PTCH1: variants seen among roughly 807,000 people sequenced by gnomAD.
PTCH1 encodes the protein patched 1, also known as protein patched homolog 1.
A neutral mutation model predicts 144.6 loss-of-function variants in PTCH1; 14 were observed. That is an observed-to-expected ratio of 0.10 (90% CI 0.06 to 0.15). The LOEUF (loss-of-function observed/expected upper bound fraction) is 0.15, where lower values mean the gene tolerates loss of function less well. Among genes scored for constraint, PTCH1 ranks in the 10% least tolerant of loss-of-function variants. PTCH1 has a pLI of 1.00. For synonymous variants in PTCH1, 833 were observed against 793.6 expected, an observed-to-expected ratio of 1.05 and a Z score of -0.83; for missense variants, 1,623 against 1,948.3, an observed-to-expected ratio of 0.83 and a Z score of 3.14.
chr9:95,496,539 AAAAAAAAAAAG>A (rs894864573), intron 2 of PTCH1, among the ~76,000 whole-genome samples: 1 of 144,782 alleles, frequency 6.9e-6, no homozygotes, highest in Non-Finnish European at 1.6e-5. Flanking sequence ...TAGCCTATTA[AAAAAAAAAAAG>A]AAAAAAAAAA....
At chr9:95,498,189 C>T (rs1051532530) in intron 2 of PTCH1, among the ~76,000 whole-genome samples, 1 of 152,190 alleles carries the variant, frequency 6.6e-6, no homozygotes, top group Non-Finnish European at 1.5e-5. Context: ...GGTAAGTCTA[C>T]TGCTTCTTTT....
intron 19 of PTCH1, among the ~76,000 whole-genome samples, chr9:95,454,266 A>G (rs1838726191): frequency 6.6e-6 from 1 of 152,186 alleles, no homozygotes; most frequent in Admixed American, 6.5e-5. Flanking sequence ...TTGCAGAGTA[A>G]ATTCTGGAAG....
chr9:95,477,411 A>T, intron 10 of PTCH1, 136 bp downstream of exon 10: 1 of 1,219,050 alleles, frequency 8.2e-7, no homozygotes, highest in Non-Finnish European at 1.2e-6. Context: ...CCCTGAAACC[A>T]GTAGCATCCT....
chr9:95,485,903 A>T (rs1374633675), intron 2 of PTCH1, 29 bp from the exon 3 acceptor site: 1 of 1,612,682 alleles, frequency 6.2e-7, no homozygotes, highest in Admixed American at 1.7e-5. Flanking sequence ...TTTAATTAGA[A>T]TAGCAAAATC....
chr9:95,456,005 C>A (rs979659078), intron 19 of PTCH1, among the ~76,000 whole-genome samples: 1 of 152,210 alleles, frequency 6.6e-6, no homozygotes, highest in Admixed American at 6.5e-5. Context: ...CAGGTGAGCA[C>A]GGCCCTTCAA....
rs756270271 is a variant in PTCH1, at chr9:95,446,981, C to T, written c.4275G>A (p.Ser1425=). The T allele has an allele frequency of 3.5e-5, 56 of 1,614,102 alleles. No individual in the cohort carries two copies. Among genetic ancestry groups the T allele is most frequent in the Admixed American group, 1.2e-4 (7 of 60,014 alleles). ...CCTGCAGCTCAATGACTTCCACCTTCGAATCCCTCCTCTCACACCGGACGT... is the reference window on the plus strand; with the variant it reads ...CCTGCAGCTCAATGACTTCCACCTTTGAATCCCTCCTCTCACACCGGACGT... ...PFHVRCERRD[S]KVEVIELQDV... Residue 1425 remains serine, a synonymous_variant, in exon 23 of 24, where the codon TCG becomes TCA. Transcript: ENST00000331920.
intron 1 of PTCH1, chr9:95,507,351 C>T: frequency 1.0e-6 from 1 of 985,382 alleles, no homozygotes; most frequent in Non-Finnish European, 1.2e-6. Flanking sequence ...GCAGGCTGCT[C>T]CCCGGCGCGG....
chr9:95,513,564 T>C (rs1844243338), upstream of PTCH1, among the ~76,000 whole-genome samples: 3 of 152,166 alleles, frequency 2.0e-5, no homozygotes, highest in Admixed American at 6.5e-5. Context: ...GTACCTTGAA[T>C]ATGAGTTGAG....
chr9:95,478,893 G>T, intron 8 of PTCH1, 107 bp downstream of exon 8: 1 of 1,528,796 alleles, frequency 6.5e-7, no homozygotes, highest in Non-Finnish European at 8.9e-7. Context: ...TCCCAGAATT[G>T]CAATGTTTTG....
rs919943792 is a variant in PTCH1 at position 95,448,436 on chromosome 9, C to T, written c.3804+633G>A. On this transcript the variant is annotated intron_variant, in intron 22 of 23. Coordinates refer to ENST00000331920, the MANE Select transcript of PTCH1 (RefSeq NM_000264.5). Reference sequence around the variant, plus strand: ...GGAGCACAGGGTGGAGGAAAGGACCCAGGTCCTTGGAGCCTCCGAGGAGGG... The same window carrying T: ...GGAGCACAGGGTGGAGGAAAGGACCTAGGTCCTTGGAGCCTCCGAGGAGGG... Among the ~76,000 whole-genome samples the T allele has an allele frequency of 2.6e-4, 39 of 152,102 alleles. 1 individual carries two copies. The highest frequency in any genetic ancestry group is 4.4e-5 in the Non-Finnish European group (3 of 68,004).
At chr9:95,472,401 G>A (rs537832935) in intron 12 of PTCH1, among the ~76,000 whole-genome samples, 86 of 152,308 alleles carry the variant, frequency 5.6e-4, no homozygotes, top group Non-Finnish European at 9.0e-4. Flanking sequence ...CTGAGAGGAC[G>A]TCTGTGGACG....
At chr9:95,473,233 T>C (rs750360200) in intron 12 of PTCH1, among the ~76,000 whole-genome samples, 1 of 152,188 alleles carries the variant, frequency 6.6e-6, no homozygotes, top group Non-Finnish European at 1.5e-5. Flanking sequence ...GAAAAAAATA[T>C]CTAATTATTT....
intron 5 of PTCH1, 49 bp downstream of exon 5, chr9:95,481,900 T>C (rs762929340): frequency 1.4e-6 from 2 of 1,452,698 alleles, no homozygotes; most frequent in East Asian, 2.3e-5. Context: ...TTAGAAACAC[T>C]GAGTCCTAGA....
At chr9:95,510,586 C>T (rs894017587), upstream of PTCH1, among the ~76,000 whole-genome samples, 1 of 151,810 alleles carries the variant, frequency 6.6e-6, no homozygotes, top group Non-Finnish European at 1.5e-5. Flanking sequence ...GCGGTAGGAA[C>T]CCGACCCGCA....
intron 23 of PTCH1, 185 bp from the exon 24 acceptor site, chr9:95,446,576 G>A (rs1349402021): frequency 2.2e-6 from 1 of 452,350 alleles, no homozygotes; most frequent in Non-Finnish European, 4.2e-6. Flanking sequence ...TTACACGGAT[G>A]CGTTCCCATG....
intron 22 of PTCH1, 86 bp downstream of exon 22, chr9:95,448,983 C>G: frequency 6.3e-7 from 1 of 1,575,714 alleles, no homozygotes. Flanking sequence ...TGATGTGCTG[C>G]TCAGCAGACA....
At chr9:95,452,079 C>T (rs1838503190) in intron 20 of PTCH1, 1 of 152,184 alleles carries the variant, frequency 6.6e-6, no homozygotes, top group African/African-American at 2.4e-5. Flanking sequence ...GATGATTCCT[C>T]AGCACATCGG....
At chr9:95,451,765 G>A (rs1028172623) in intron 20 of PTCH1, 1 of 152,318 alleles carries the variant, frequency 6.6e-6, no homozygotes, top group East Asian at 1.9e-4. Flanking sequence ...AACTCTACTT[G>A]ACATTGAGCT....
rs1843676180 is a variant in PTCH1 at position 95,506,661 on chromosome 9, C to T, written c.202-62G>A. The stretch of plus-strand genomic sequence containing the variant: ...GAGTCGCGGCCCGCGCGCCCACGCC[C>T]GCTTGCGCGCACCCGCCCGGTGAGC... On this transcript the variant is annotated intron_variant, in intron 1 of 23. Transcript: ENST00000331920. 1.7e-5 allele frequency: 25 copies of T among 1,452,630 alleles called. No homozygotes were observed. The South Asian group carries it at 3.2e-4, about 19-fold the overall frequency. The allele number at this position is 1,452,630 out of a possible 1,614,324, so 90.0% of individuals were successfully genotyped here.
Sources: allele counts gnomAD v4.1 joint callset (sites outside exome capture counted in the v4.1 genomes callset), GRCh38; gene constraint gnomAD v4.1.1; transcripts MANE v1.5; gene names NCBI Gene and HGNC (gene_info 2026-07-23, HGNC 2026-07-21).